Variants in TBCK observed in about 807,000 individuals in gnomAD.
TBCK encodes TBC domain-containing protein kinase-like protein.
TBCK carries 99 observed loss-of-function variants against 113.4 expected under a neutral mutation model. That is an observed-to-expected ratio of 0.87 (90% CI 0.74 to 1.03). The LOEUF (loss-of-function observed/expected upper bound fraction) is 1.03. Among genes scored for constraint, TBCK ranks in the 50% least tolerant of loss-of-function variants. The pLI, the probability that TBCK is intolerant of heterozygous loss-of-function variation, is 0.00. For missense variants in TBCK, 1,045 were observed against 1,061.3 expected, an observed-to-expected ratio of 0.98 and a Z score of 0.21; for synonymous variants, 369 against 370.8, an observed-to-expected ratio of 1.00 and a Z score of 0.05.
intron 12 of TBCK, chr4:106,237,608 T>C (rs1560883995): frequency 2.2e-6 from 1 of 445,946 alleles, no homozygotes. Context: ...ATTAGAGTCT[T>C]TGTGCACCCA....
chr4:106,153,621 T>A (rs1298667369), intron 23 of TBCK, among the ~76,000 whole-genome samples: 1 of 152,110 alleles, frequency 6.6e-6, no homozygotes, highest in Non-Finnish European at 1.5e-5. Context: ...GCTTCTTTGA[T>A]GATTTTCTGT....
chr4:106,125,838 T>C (rs532170399), intron 23 of TBCK, among the ~76,000 whole-genome samples: 3 of 152,280 alleles, frequency 2.0e-5, no homozygotes, highest in Admixed American at 1.3e-4. Flanking sequence ...TAGTACTCAA[T>C]AGCACAGAAG....
intron 20 of TBCK, among the ~76,000 whole-genome samples, chr4:106,208,748 A>G (rs1051523663): frequency 6.6e-6 from 1 of 152,086 alleles, no homozygotes; most frequent in Non-Finnish European, 1.5e-5. Flanking sequence ...CTTGCCAAAC[A>G]ATGGGAGAAG....
At chr4:106,056,065 T>C (rs1360235838) in intron 25 of TBCK, among the ~76,000 whole-genome samples, 1 of 151,172 alleles carries the variant, frequency 6.6e-6, no homozygotes, top group African/African-American at 2.4e-5. Context: ...GTAGAAGTCT[T>C]CTTTGAATTC....
chr4:106,270,427 C>T (rs1024660185), intron 3 of TBCK, among the ~76,000 whole-genome samples: 4 of 152,178 alleles, frequency 2.6e-5, no homozygotes, highest in African/African-American at 9.7e-5. Context: ...GCTGTGCAAA[C>T]ACACTAGGTA....
intron 25 of TBCK, among the ~76,000 whole-genome samples, chr4:106,074,623 C>T (rs1218666350): frequency 6.6e-6 from 1 of 152,190 alleles, no homozygotes; most frequent in Non-Finnish European, 1.5e-5. Context: ...TATTTAGATA[C>T]TACCCTTATC....
At chr4:106,312,465 T>TGAG (rs144017138) in intron 1 of TBCK, among the ~76,000 whole-genome samples, 26,245 of 152,102 alleles carry the variant, frequency 0.17, 2,293 homozygotes, top group South Asian at 0.25. Flanking sequence ...TAACAAGTGT[T>TGAG]GAGAATGTGG....
intron 1 of TBCK, among the ~76,000 whole-genome samples, chr4:106,313,255 G>C (rs1283273702): frequency 1.3e-5 from 2 of 152,206 alleles, no homozygotes; most frequent in Non-Finnish European, 2.9e-5. Context: ...AGTCAGAAGA[G>C]AGCCTGGTGC....
chr4:106,152,382 A>T (rs955081117), intron 23 of TBCK, among the ~76,000 whole-genome samples: 2 of 152,074 alleles, frequency 1.3e-5, no homozygotes, highest in Admixed American at 1.3e-4. Context: ...ATGACATAAC[A>T]CATTAATTGA....
intron 10 of TBCK, 25 bp from the exon 11 acceptor site, chr4:106,244,789 C>A (rs1023584917): frequency 1.4e-6 from 2 of 1,415,898 alleles, no homozygotes; most frequent in Non-Finnish European, 1.9e-6. Context: ...TTTAAGGAAT[C>A]ATTGTATTAT....
chr4:106,170,616 C>T lies in TBCK; in HGVS notation c.2235+479G>A, dbSNP rs536247429. Reference sequence around the variant, plus strand: ...GATACTATGATAATATTAGAATATTCGAAATGTATGAATTATTATAACTGA... The same window carrying T: ...GATACTATGATAATATTAGAATATTTGAAATGTATGAATTATTATAACTGA... On this transcript the variant is annotated intron_variant, in intron 23 of 25. Coordinates refer to ENST00000394708, the MANE Select transcript of TBCK (RefSeq NM_001163435.3). Among the ~76,000 whole-genome samples the T allele has an allele frequency of 1.9e-4, 29 of 152,010 alleles. No homozygotes were observed. In the East Asian group the frequency reaches 2.5e-3, roughly 13 times the overall value.
rs1294116157 is a variant in TBCK at position 106,248,905 on chromosome 4, C to A, written c.720+16G>T. 8 of 1,591,494 alleles carry A rather than the reference C, an allele frequency of 5.0e-6. No individual in the cohort carries two copies. Among genetic ancestry groups the A allele is most frequent in the Non-Finnish European group, 6.8e-6 (8 of 1,171,274 alleles). On this transcript the variant is annotated intron_variant, in intron 8 of 25. Coordinates refer to ENST00000394708, the MANE Select transcript of TBCK (RefSeq NM_001163435.3). ...ATAGCAGCACAAATGGACTAAGACC[C>A]AGATTAATGACAAACCTTTATAATG...
At chr4:106,261,362 A>G (rs1304447329) in intron 4 of TBCK, among the ~76,000 whole-genome samples, 2 of 152,156 alleles carry the variant, frequency 1.3e-5, no homozygotes, top group Admixed American at 1.3e-4. Context: ...AGCTCACTGC[A>G]GCCTCAAACT....
At chr4:106,288,263 G>A (rs1765319651) in intron 3 of TBCK, among the ~76,000 whole-genome samples, 1 of 152,086 alleles carries the variant, frequency 6.6e-6, no homozygotes, top group African/African-American at 2.4e-5. Context: ...GCATGGCGGT[G>A]TATGCCTGTA....
chr4:106,238,559 G>A (rs1759731335), intron 12 of TBCK: 1 of 152,006 alleles, frequency 6.6e-6, no homozygotes, highest in Non-Finnish European at 1.5e-5. Flanking sequence ...AAAAAACTAG[G>A]GGAATTGCTG....
intron 25 of TBCK, among the ~76,000 whole-genome samples, chr4:106,093,890 T>C (rs1172662453): frequency 6.6e-6 from 1 of 152,196 alleles, no homozygotes; most frequent in Non-Finnish European, 1.5e-5. Flanking sequence ...TGAGCCCTGA[T>C]GTAAACTGTG....
chr4:106,104,875 G>C (rs1741958311), intron 24 of TBCK, among the ~76,000 whole-genome samples: 1 of 152,226 alleles, frequency 6.6e-6, no homozygotes, highest in African/African-American at 2.4e-5. Context: ...CTAGGGCCTA[G>C]AGTGGGCCCC....
intron 3 of TBCK, among the ~76,000 whole-genome samples, chr4:106,289,077 T>G (rs1184269843): frequency 6.6e-6 from 1 of 152,218 alleles, no homozygotes. Flanking sequence ...ATTATCAATC[T>G]GTACCATGTT....
At chr4:106,292,354 G>A (rs1165300625) in intron 3 of TBCK, among the ~76,000 whole-genome samples, 1 of 152,088 alleles carries the variant, frequency 6.6e-6, no homozygotes, top group African/African-American at 2.4e-5. Context: ...CGTGGATCAT[G>A]AGGTCAGGAG....
Sources: gnomAD v4.1 joint callset for allele counts (sites outside exome capture counted in the v4.1 genomes callset) on GRCh38, gnomAD v4.1.1 for gene constraint, MANE v1.5 for transcripts, NCBI Gene and HGNC (gene_info 2026-07-23, HGNC 2026-07-21) for gene names.